TNFSF4: variants seen among roughly 807,000 people sequenced by gnomAD.
TNFSF4 encodes the protein tumor necrosis factor ligand superfamily member 4.
In TNFSF4, 4 loss-of-function variants were observed where a neutral mutation model predicts 7.3. That is an observed-to-expected ratio of 0.55 (90% confidence interval 0.27 to 1.25). The LOEUF is 1.25. Ranked by LOEUF, TNFSF4 falls within the 50% of genes most tolerant of loss-of-function variation. The probability of loss-of-function intolerance (pLI) is 0.12; values close to 1 mark genes in which losing one functional copy is unlikely to be tolerated. For synonymous variants in TNFSF4, 76 were observed against 83.7 expected, an observed-to-expected ratio of 0.91 and a Z score of 0.50; for missense variants, 181 against 208.8, an observed-to-expected ratio of 0.87 and a Z score of 0.82.
chr1:173,363,917 G>A, the TNFSF4 span, among the ~76,000 whole-genome samples: 1 of 152,082 alleles, frequency 6.6e-6, no homozygotes, highest in East Asian at 1.9e-4. Flanking sequence ...AGTCTGTTGG[G>A]GACAACCACA....
chr1:173,378,764 C>T, the TNFSF4 span, among the ~76,000 whole-genome samples: 1 of 152,124 alleles, frequency 6.6e-6, no homozygotes, highest in Non-Finnish European at 1.5e-5. Flanking sequence ...AGCTTACCCC[C>T]ATATCCCAGC....
At chr1:173,424,375 T>C in the TNFSF4 span, among the ~76,000 whole-genome samples, 1 of 152,236 alleles carries the variant, frequency 6.6e-6, no homozygotes, top group South Asian at 2.1e-4. Context: ...TATGCATGAC[T>C]ATCTATAACG....
the TNFSF4 span, chr1:173,351,905 G>T: frequency 1.8e-6 from 1 of 566,880 alleles, no homozygotes; most frequent in Non-Finnish European, 3.3e-6. Context: ...GGCTAAAACT[G>T]GACAAAGACC....
chr1:173,251,473 T>A, the TNFSF4 span, among the ~76,000 whole-genome samples: 1 of 152,196 alleles, frequency 6.6e-6, no homozygotes, highest in Non-Finnish European at 1.5e-5. Flanking sequence ...ACTCAATACC[T>A]ATTTGGTGAA....
the TNFSF4 span, among the ~76,000 whole-genome samples, chr1:173,317,498 T>C: frequency 6.6e-6 from 1 of 152,230 alleles, no homozygotes; most frequent in South Asian, 2.1e-4. Flanking sequence ...ACCCAGGGGA[T>C]GTCTTTAATT....
chr1:173,337,288 C>G, the TNFSF4 span, among the ~76,000 whole-genome samples: 1 of 152,104 alleles, frequency 6.6e-6, no homozygotes, highest in African/African-American at 2.4e-5. Context: ...TATGGGCCAC[C>G]AAGTTACCAT....
Position 173,185,104 on chromosome 1 carries a change from G to C in TNFSF4, c.*1412C>G, listed in dbSNP as rs756491749. ...AGATTCTAGAGATAATTGTAGCACA[G>C]TACAATTCCTTGATAACACAGAATC... On this transcript the variant is annotated 3_prime_UTR_variant, in exon 3 of 3. Transcript: ENST00000281834. 10 of 152,326 alleles carry C rather than the reference G, an allele frequency of 6.6e-5. No homozygotes were observed. The highest frequency in any genetic ancestry group is 1.0e-4 in the Non-Finnish European group (7 of 68,038). The allele number at this position is 152,326 out of a possible 1,614,324, so 9.4% of individuals were successfully genotyped here. A position where few individuals can be genotyped will look rare whatever the true frequency, so the allele number is the denominator to read the frequency against.
At chr1:173,415,970 G>C in the TNFSF4 span, among the ~76,000 whole-genome samples, 1 of 152,156 alleles carries the variant, frequency 6.6e-6, no homozygotes, top group Non-Finnish European at 1.5e-5. Context: ...TCATGATGTG[G>C]GACTGCCAGG....
At chr1:173,231,464 T>TAA in the TNFSF4 span, among the ~76,000 whole-genome samples, 1 of 152,220 alleles carries the variant, frequency 6.6e-6, no homozygotes, top group African/African-American at 2.4e-5. Context: ...TAATAGCTAT[T>TAA]TATGACAAAC....
chr1:173,379,654 G>A, the TNFSF4 span, among the ~76,000 whole-genome samples: 1 of 152,160 alleles, frequency 6.6e-6, no homozygotes, highest in Non-Finnish European at 1.5e-5. Context: ...CTGTAATAGG[G>A]ACCAAGAAGA....
At chr1:173,437,710 TA>T in the TNFSF4 span, among the ~76,000 whole-genome samples, 1 of 152,194 alleles carries the variant, frequency 6.6e-6, no homozygotes, top group African/African-American at 2.4e-5. Flanking sequence ...CCACATACAC[TA>T]GGGTTCATAT....
At chr1:173,416,608 T>TTTTATTTATTTA in the TNFSF4 span, among the ~76,000 whole-genome samples, 21 of 121,942 alleles carry the variant, frequency 1.7e-4, no homozygotes, top group African/African-American at 5.9e-4. Flanking sequence ...ATTTTTTTAT[T>TTTTATTTATTTA]TTTATTTATT....
the TNFSF4 span, among the ~76,000 whole-genome samples, chr1:173,333,184 A>G: frequency 2.0e-5 from 3 of 152,192 alleles, no homozygotes; most frequent in Admixed American, 6.5e-5. Context: ...GACACAGGGT[A>G]CACAGGCATT....
At chr1:173,273,984 T>C in the TNFSF4 span, among the ~76,000 whole-genome samples, 2 of 152,078 alleles carry the variant, frequency 1.3e-5, no homozygotes, top group Admixed American at 6.6e-5. Context: ...ATATTACTTA[T>C]AGCAAGTGAA....
the TNFSF4 span, among the ~76,000 whole-genome samples, chr1:173,442,567 T>TTTC: frequency 6.8e-6 from 1 of 147,884 alleles, no homozygotes; most frequent in Admixed American, 6.7e-5. Context: ...TTTTTTTTTT[T>TTTC]GAGACAGAGT....
At chr1:173,321,627 A>G in the TNFSF4 span, among the ~76,000 whole-genome samples, 2 of 152,000 alleles carry the variant, frequency 1.3e-5, no homozygotes, top group Non-Finnish European at 1.5e-5. Flanking sequence ...TAAATTTACA[A>G]GAAAAAAAAA....
chr1:173,357,120 G>C, the TNFSF4 span, among the ~76,000 whole-genome samples: 2 of 152,228 alleles, frequency 1.3e-5, no homozygotes, highest in African/African-American at 4.8e-5. Context: ...ATATAGAAAA[G>C]AAAGGAAGTC....
At chr1:173,366,599 C>T in the TNFSF4 span, among the ~76,000 whole-genome samples, 3 of 152,050 alleles carry the variant, frequency 2.0e-5, no homozygotes, top group Non-Finnish European at 4.4e-5. Flanking sequence ...AAAATAATTT[C>T]ATTGTTCATT....
the TNFSF4 span, among the ~76,000 whole-genome samples, chr1:173,400,566 G>C: frequency 6.6e-6 from 1 of 152,208 alleles, no homozygotes; most frequent in South Asian, 2.1e-4. Context: ...AATTAAAACT[G>C]CCACCTGGCC....
Sources: allele counts gnomAD v4.1 joint callset (sites outside exome capture counted in the v4.1 genomes callset), GRCh38; gene constraint gnomAD v4.1.1; transcripts MANE v1.5; gene names NCBI Gene and HGNC (gene_info 2026-07-23, HGNC 2026-07-21).